MACF1: variants seen among roughly 807,000 people sequenced by gnomAD.
MACF1 encodes the protein microtubule-actin cross-linking factor 1.
Under a neutral mutation model 854.8 loss-of-function variants are expected in MACF1, and 193 were observed. The ratio of observed to expected loss-of-function variants is 0.23; its 90% CI spans 0.20 to 0.25. The LOEUF (loss-of-function observed/expected upper bound fraction) is 0.25, where lower values mean the gene tolerates loss of function less well. Ranked by LOEUF, MACF1 falls within the 10% of genes least tolerant of loss-of-function variation. The probability of loss-of-function intolerance (pLI) is 1.00; values close to 1 mark genes in which losing one functional copy is unlikely to be tolerated. For missense variants in MACF1, 7,722 were observed against 8,929.1 expected (o/e 0.86, Z 5.45); for synonymous variants, 3,185 against 3,226.7 (o/e 0.99, Z 0.44).
At chr1:39,294,153 C>T (rs1419207595) in intron 18 of MACF1, among the ~76,000 whole-genome samples, 1 of 152,214 alleles carries the variant, frequency 6.6e-6, no homozygotes, top group Non-Finnish European at 1.5e-5. Context: ...GGACTTTCCA[C>T]AAATTTCTGA....
Position 39,463,601 on chromosome 1 carries a change from A to G in MACF1, c.21679-11A>G. 9.9e-6 allele frequency: 16 copies of G among 1,610,700 alleles called. No individual in the cohort carries two copies. Among genetic ancestry groups the G allele is most frequent in the Non-Finnish European group, 1.4e-5 (16 of 1,177,032 alleles). Reference sequence around the variant, plus strand: ...ACCCTTTACACTTTCCTTTTTGTTCACACCCAATAGGTTACAAGACAAGTG... The same window carrying G: ...ACCCTTTACACTTTCCTTTTTGTTCGCACCCAATAGGTTACAAGACAAGTG... On this transcript the variant is annotated splice_polypyrimidine_tract_variant and intron_variant, in intron 93 of 100. Coordinates refer to ENST00000564288, the MANE Select transcript of MACF1 (RefSeq NM_001394062.1).
chr1:39,303,756 C>T (rs868059201), intron 23 of MACF1, among the ~76,000 whole-genome samples: 65 of 150,126 alleles, frequency 4.3e-4, no homozygotes, highest in African/African-American at 1.3e-3. Flanking sequence ...CCCAGCTACT[C>T]GGGAGGCTGA....
chr1:39,468,173 G>A (rs918866279), intron 95 of MACF1: 10 of 155,362 alleles, frequency 6.4e-5, no homozygotes, highest in Non-Finnish European at 1.1e-4. Context: ...GGCGGATCAC[G>A]AGGTCAGGAG....
chr1:39,371,921 C>T (rs958049750), intron 51 of MACF1, among the ~76,000 whole-genome samples: 1 of 151,898 alleles, frequency 6.6e-6, no homozygotes. Context: ...TCAAGCAACT[C>T]TCCCGTCTCA....
intron 1 of MACF1, among the ~76,000 whole-genome samples, chr1:39,225,309 C>T (rs369617967): frequency 2.0e-5 from 3 of 149,032 alleles, no homozygotes; most frequent in South Asian, 2.1e-4. Flanking sequence ...CTCCGCTTCC[C>T]GGGTTCACGC....
intron 14 of MACF1, among the ~76,000 whole-genome samples, chr1:39,286,953 A>G (rs1645656265): frequency 6.6e-6 from 1 of 151,206 alleles, no homozygotes; most frequent in South Asian, 2.1e-4. Context: ...TCTCATTTTT[A>G]TTTTTATTTT....
chr1:39,226,810 T>A (rs1381674822), intron 1 of MACF1, among the ~76,000 whole-genome samples: 3 of 152,072 alleles, frequency 2.0e-5, no homozygotes, highest in South Asian at 4.1e-4. Context: ...TTTGACCTAT[T>A]ACAGCAAACA....
Position 39,387,826 on chromosome 1 carries a change from C to T in MACF1, c.14984C>T (p.Thr4995Ile), listed in dbSNP as rs1641863139. The T allele has an allele frequency of 1.9e-6, 3 of 1,614,110 alleles. No individual in the cohort carries two copies. The highest frequency in any genetic ancestry group is 1.7e-5 in the Admixed American group (1 of 59,992). Residue 4995 changes from threonine (T) to isoleucine (I), a missense_variant, in exon 58 of 101, where the codon ACA becomes ATA. Coordinates refer to ENST00000564288, the MANE Select transcript of MACF1 (RefSeq NM_001394062.1). ...AGINQNMDAVTEELQAKTGSL... is the reference protein window; with the variant it reads ...AGINQNMDAVIEELQAKTGSL... Reference sequence around the variant, plus strand: ...ATCAACCAGAACATGGATGCTGTTACAGAAGAGCTGCAGGCCAAAACAGGG... The same window carrying T: ...ATCAACCAGAACATGGATGCTGTTATAGAAGAGCTGCAGGCCAAAACAGGG...
chr1:39,348,025 T>A (rs1016980073), intron 41 of MACF1, among the ~76,000 whole-genome samples: 5 of 152,196 alleles, frequency 3.3e-5, no homozygotes, highest in African/African-American at 7.2e-5. Flanking sequence ...CAAGATGATA[T>A]TAGAATTGTC....
chr1:39,174,885 C>T (rs1571135606), intron 2 of MACF1, among the ~76,000 whole-genome samples: 1 of 152,192 alleles, frequency 6.6e-6, no homozygotes, highest in Non-Finnish European at 1.5e-5. Context: ...GAGAATGTCA[C>T]TAGTGGAGGC....
At chr1:39,399,754 T>C (rs1416761838) in intron 58 of MACF1, among the ~76,000 whole-genome samples, 2 of 152,224 alleles carry the variant, frequency 1.3e-5, no homozygotes, top group Non-Finnish European at 2.9e-5. Context: ...ACTTGGCTTT[T>C]ATCACATACC....
rs1645467277 is a variant in MACF1, at chr1:39,277,860, A to G, written c.529-4348A>G. ...ATTTAAGCACAGCTCCTAGAATATAATGGTTGCTCAAAAAATATTAACAGT... is the reference window on the plus strand; with the variant it reads ...ATTTAAGCACAGCTCCTAGAATATAGTGGTTGCTCAAAAAATATTAACAGT... On this transcript the variant is annotated intron_variant, in intron 6 of 100. Transcript: ENST00000564288. 2.0e-5 allele frequency among the ~76,000 whole-genome samples: 3 copies of G among 152,280 alleles called. No individual in the cohort carries two copies. In the South Asian group the frequency reaches 6.2e-4, roughly 32 times the overall value.
At chr1:39,270,134 GT>G (rs1394397308) in intron 6 of MACF1, among the ~76,000 whole-genome samples, 38 of 152,222 alleles carry the variant, frequency 2.5e-4, no homozygotes, top group Admixed American at 2.5e-3. Flanking sequence ...TGTGGAAGGG[GT>G]CAGGCAGCTG....
intron 15 of MACF1, among the ~76,000 whole-genome samples, chr1:39,291,207 C>T (rs1402093117): frequency 6.6e-6 from 1 of 152,046 alleles, no homozygotes; most frequent in Admixed American, 6.6e-5. Flanking sequence ...GAACTCCTGA[C>T]CTCAGGTGAT....
chr1:39,380,865 T>C (rs2148555868), intron 55 of MACF1, among the ~76,000 whole-genome samples: 2 of 152,136 alleles, frequency 1.3e-5, no homozygotes, highest in African/African-American at 4.8e-5. Context: ...TGAGCTATGA[T>C]TGTGCCACTG....
intron 2 of MACF1, among the ~76,000 whole-genome samples, chr1:39,143,610 C>T (rs559610907): frequency 1.0e-3 from 152 of 152,042 alleles, no homozygotes; most frequent in Non-Finnish European, 1.9e-3. Flanking sequence ...ACTTCTGCCT[C>T]TCTGTTAAGT....
chr1:39,150,229 G>T (rs1643550845), intron 2 of MACF1, among the ~76,000 whole-genome samples: 1 of 152,048 alleles, frequency 6.6e-6, no homozygotes, highest in Non-Finnish European at 1.5e-5. Context: ...CATGTGCTCA[G>T]GCTGGTCTCA....
At chr1:39,357,330 T>C in intron 44 of MACF1, 45 bp from the exon 45 acceptor site, 1 of 1,581,288 alleles carries the variant, frequency 6.3e-7, no homozygotes, top group African/African-American at 1.4e-5. Context: ...TTATTGTGGA[T>C]TGCCTACTGA....
upstream of MACF1, among the ~76,000 whole-genome samples, chr1:39,202,945 T>C (rs2148264248): frequency 6.6e-6 from 1 of 152,278 alleles, no homozygotes; most frequent in Non-Finnish European, 1.5e-5. Context: ...ATTGTATTAG[T>C]GGTCCCGTCA....
Sources: allele counts gnomAD v4.1 joint callset (sites outside exome capture counted in the v4.1 genomes callset), GRCh38; gene constraint gnomAD v4.1.1; transcripts MANE v1.5; gene names NCBI Gene and HGNC (gene_info 2026-07-23, HGNC 2026-07-21).